The following COL5A2 variants were observed in gnomAD, a reference collection of about 807,000 sequenced individuals.
The protein encoded by COL5A2 is collagen type V alpha 2 chain.
A neutral mutation model predicts 208.2 loss-of-function variants in COL5A2; 23 were observed. The observed-to-expected ratio is 0.11, with a 90% confidence interval of 0.08 to 0.16. The LOEUF (loss-of-function observed/expected upper bound fraction) is 0.16. COL5A2 is among the 10% of genes least tolerant of loss of function. COL5A2 has a pLI of 1.00. For synonymous variants in COL5A2, 625 were observed against 628.5 expected, an observed-to-expected ratio of 0.99 and a Z score of 0.08; for missense variants, 1,590 against 1,956.4, an observed-to-expected ratio of 0.81 and a Z score of 3.53.
At chr2:189,204,348 T>C (rs1689117896) in intron 1 of COL5A2, among the ~76,000 whole-genome samples, 1 of 152,212 alleles carries the variant, frequency 6.6e-6, no homozygotes, top group Non-Finnish European at 1.5e-5. Context: ...TGCCCAAAGA[T>C]GTTTGCTAAT....
the COL5A2 span, among the ~76,000 whole-genome samples, chr2:189,437,045 G>A: frequency 6.6e-6 from 1 of 152,004 alleles, no homozygotes; most frequent in Admixed American, 6.6e-5. Context: ...GAGAGAGAAA[G>A]TCTGAACGAG....
chr2:189,140,886 A>G (rs1425330686), intron 1 of COL5A2, among the ~76,000 whole-genome samples: 2 of 152,214 alleles, frequency 1.3e-5, no homozygotes, highest in East Asian at 3.8e-4. Flanking sequence ...ACATGAAAAA[A>G]GCATTTTAAA....
At chr2:189,110,758 C>A (rs1363254707) in intron 1 of COL5A2, among the ~76,000 whole-genome samples, 2 of 151,826 alleles carry the variant, frequency 1.3e-5, no homozygotes, top group African/African-American at 2.4e-5. Flanking sequence ...ATGAGAATAT[C>A]AATAAAGAGG....
intron 21 of COL5A2, 92 bp downstream of exon 21, chr2:189,067,923 C>G: frequency 9.4e-7 from 1 of 1,059,130 alleles, no homozygotes; most frequent in Non-Finnish European, 1.5e-6. Flanking sequence ...GTCACGTTAT[C>G]TATGTTTCAT....
the COL5A2 span, among the ~76,000 whole-genome samples, chr2:189,320,203 A>T: frequency 6.6e-6 from 1 of 152,228 alleles, no homozygotes; most frequent in African/African-American, 2.4e-5. Flanking sequence ...GATAAAAAAC[A>T]CAAAGATGGG....
chr2:189,161,507 G>A (rs1018753318), intron 1 of COL5A2, among the ~76,000 whole-genome samples: 8 of 152,108 alleles, frequency 5.3e-5, no homozygotes, highest in Non-Finnish European at 8.8e-5. Flanking sequence ...GCTAAATATA[G>A]CTAAATTATG....
At chr2:189,397,700 C>T in the COL5A2 span, among the ~76,000 whole-genome samples, 56 of 151,834 alleles carry the variant, frequency 3.7e-4, no homozygotes, top group Non-Finnish European at 7.2e-4. Context: ...TCTTCTTTCT[C>T]TTGTCTTTTA....
At chr2:189,334,514 G>A in the COL5A2 span, among the ~76,000 whole-genome samples, 1 of 151,510 alleles carries the variant, frequency 6.6e-6, no homozygotes, top group Non-Finnish European at 1.5e-5. Flanking sequence ...AATTACATGC[G>A]AAAGACTAAA....
At position 189,046,045 on chromosome 2, in the gene COL5A2, ATTTTAC is replaced by A. The variant is rs552164448; in HGVS notation, c.3202-144_3202-139del. ...CTTATTTTTACTTATTATTTTAACT[ATTTTAC>A]TTATATTTATTAATTAATAAATCAA... On this transcript the variant is annotated intron_variant, in intron 45 of 53. Transcript: ENST00000374866. 2.0e-3 allele frequency: 1,061 copies of A among 526,954 alleles called. 16 individuals carry two copies. Among genetic ancestry groups the A allele is most frequent in the East Asian group, 0.018 (510 of 27,770 alleles). 32.6% of individuals were successfully genotyped at this position (526,954 alleles called of 1,614,324 possible).
At chr2:189,403,737 T>G in the COL5A2 span, among the ~76,000 whole-genome samples, 9 of 152,242 alleles carry the variant, frequency 5.9e-5, no homozygotes, top group South Asian at 4.1e-4. Flanking sequence ...TTATGTATGT[T>G]GGACCAACCT....
At chr2:189,067,165 T>C (rs1310311688) in intron 21 of COL5A2, among the ~76,000 whole-genome samples, 1 of 152,176 alleles carries the variant, frequency 6.6e-6, no homozygotes, top group African/African-American at 2.4e-5. Flanking sequence ...TGTGAACTTG[T>C]TTACCCAGAA....
At chr2:189,205,599 C>G (rs1049695315) in intron 1 of COL5A2, among the ~76,000 whole-genome samples, 1 of 152,058 alleles carries the variant, frequency 6.6e-6, no homozygotes, top group African/African-American at 2.4e-5. Context: ...AACCACTCTT[C>G]CCTTGAATGG....
the COL5A2 span, among the ~76,000 whole-genome samples, chr2:189,318,378 T>C: frequency 6.6e-6 from 1 of 152,360 alleles, no homozygotes; most frequent in East Asian, 1.9e-4. Flanking sequence ...TTCCTTCTCT[T>C]GCCTCACTTT....
chr2:189,096,980 T>C (rs1301085682), intron 6 of COL5A2, among the ~76,000 whole-genome samples: 1 of 152,222 alleles, frequency 6.6e-6, no homozygotes, highest in Non-Finnish European at 1.5e-5. Context: ...ACAGATCATA[T>C]AACTTGGATG....
At chr2:189,276,305 G>T in the COL5A2 span, among the ~76,000 whole-genome samples, 2 of 152,176 alleles carry the variant, frequency 1.3e-5, no homozygotes, top group Non-Finnish European at 2.9e-5. Context: ...AGTTGAAGAT[G>T]ATTGTGTTAG....
chr2:189,351,108 T>G, the COL5A2 span, among the ~76,000 whole-genome samples: 1 of 152,216 alleles, frequency 6.6e-6, no homozygotes, highest in Non-Finnish European at 1.5e-5. Context: ...TCCTTCACTC[T>G]CTGGAGATTC....
chr2:189,039,198 A>G, intron 51 of COL5A2, 74 bp downstream of exon 51: 1 of 1,534,732 alleles, frequency 6.5e-7, no homozygotes, highest in Non-Finnish European at 9.0e-7. Flanking sequence ...AGTCAGTAAC[A>G]TATTTTGGAA....
At chr2:189,352,166 G>A in the COL5A2 span, among the ~76,000 whole-genome samples, 1 of 152,120 alleles carries the variant, frequency 6.6e-6, no homozygotes, top group Non-Finnish European at 1.5e-5. Flanking sequence ...ATTCCATGGT[G>A]TATATGTGCC....
At chr2:189,178,780 T>G (rs1688728935) in intron 1 of COL5A2, among the ~76,000 whole-genome samples, 3 of 146,822 alleles carry the variant, frequency 2.0e-5, no homozygotes. Context: ...CCAAATAAGA[T>G]ATATACAAGA....
Sources: allele counts gnomAD v4.1 joint callset (sites outside exome capture counted in the v4.1 genomes callset), GRCh38; gene constraint gnomAD v4.1.1; transcripts MANE v1.5; gene names NCBI Gene and HGNC (gene_info 2026-07-23, HGNC 2026-07-21).